The following ZNF709 variants were observed in gnomAD, a reference collection of about 807,000 sequenced individuals.
ZNF709 encodes zinc finger protein 709.
A neutral mutation model predicts 10.6 loss-of-function variants in ZNF709; 15 were observed. That is an observed-to-expected ratio of 1.41 (90% CI 0.95 to 2.18). ZNF709 has a LOEUF of 2.18. ZNF709 is among the 30% of genes most tolerant of loss of function. The probability of loss-of-function intolerance (pLI) is 0.00; values close to 1 mark genes in which losing one functional copy is unlikely to be tolerated. For missense variants in ZNF709, 589 were observed against 774.0 expected (o/e 0.76, Z 2.84); for synonymous variants, 194 against 238.8 (o/e 0.81, Z 1.73).
In ZNF709 at chr19:12,466,675, A is replaced by G. The variant is rs887418806; in HGVS notation, c.130+49T>C. On this transcript the variant is annotated intron_variant, in intron 2 of 3. Transcript: ENST00000397732. ...CCTTGGAACCTTGCTGATGAGCAAG[A>G]AACACTTGTTCTCTAATTGACTAAG... is the stretch of plus-strand genomic sequence containing the variant. 4 of 1,613,278 alleles carry G rather than the reference A, an allele frequency of 2.5e-6. No individual in the cohort carries two copies. The East Asian group carries it at 6.7e-5, about 27-fold the overall frequency.
rs370661958 is a variant in ZNF709 at position 12,463,981 on chromosome 19, C to T, written c.*15G>A. 122 of 1,374,738 alleles carry T rather than the reference C, an allele frequency of 8.9e-5. No individual in the cohort carries two copies. The highest frequency in any genetic ancestry group is 1.2e-4 in the Non-Finnish European group (121 of 1,045,760). The allele number at this position is 1,374,738 out of a possible 1,614,324, so 85.2% of individuals were successfully genotyped here. On this transcript the variant is annotated 3_prime_UTR_variant, in exon 4 of 4. Coordinates refer to ENST00000397732, the MANE Select transcript of ZNF709 (RefSeq NM_152601.4). ...GACAACTGAAAACTTTGCCATATTG[C>T]TTATATACATAGGGTTACTCTCCAC...
chr19:12,476,052 G>A (rs970441401), intron 1 of ZNF709, among the ~76,000 whole-genome samples: 3 of 152,072 alleles, frequency 2.0e-5, no homozygotes, highest in Non-Finnish European at 2.9e-5. Flanking sequence ...AGAAACAGAC[G>A]TTACACCTTA....
chr19:12,478,382 A>G (rs1970693613), intron 1 of ZNF709, among the ~76,000 whole-genome samples: 1 of 152,208 alleles, frequency 6.6e-6, no homozygotes, highest in Admixed American at 6.5e-5. Flanking sequence ...TTGGCTAAAC[A>G]TAGAACCCAG....
chr19:12,467,487 G>A (rs1970584940), intron 1 of ZNF709, among the ~76,000 whole-genome samples: 1 of 152,152 alleles, frequency 6.6e-6, no homozygotes, highest in South Asian at 2.1e-4. Context: ...ATCTCGGCTC[G>A]CTACAACCTC....
At chr19:12,478,449 C>T (rs750894860) in intron 1 of ZNF709, among the ~76,000 whole-genome samples, 1 of 152,166 alleles carries the variant, frequency 6.6e-6, no homozygotes, top group Non-Finnish European at 1.5e-5. Flanking sequence ...AGTAGCTTCC[C>T]AGAAAGCAGC....
Position 12,466,732 on chromosome 19 carries a change from G to A in ZNF709, c.122C>T (p.Ala41Val). Reference sequence around the variant, plus strand: ...AATAATTTCATTCTTACCTATAGAGGCCAAGTTAACAAAGGTTTCTTGCAT... The same window carrying A: ...AATAATTTCATTCTTACCTATAGAGACCAAGTTAACAAAGGTTTCTTGCAT... ...DVMQETFVNLASIGENWEEKN... is the reference protein window; with the variant it reads ...DVMQETFVNLVSIGENWEEKN... Residue 41 changes from alanine (A) to valine (V), a missense_variant, in exon 2 of 4, where the codon GCC (alanine) becomes GTC (valine). Ala to Val is a moderately conservative substitution (Grantham distance 64). This residue lies in a region of ZNF709 where 418 missense variants were observed against 496.3 expected (regional missense o/e 0.84). Coordinates refer to ENST00000397732, the MANE Select transcript of ZNF709 (RefSeq NM_152601.4). The A allele has an allele frequency of 6.2e-7, 1 of 1,613,812 alleles. No individual in the cohort carries two copies. Among genetic ancestry groups the A allele is most frequent in the Non-Finnish European group, 8.5e-7 (1 of 1,179,934 alleles).
Position 12,464,416 on chromosome 19 carries a change from T to C in ZNF709, c.1506A>G (p.Lys502=). The change falls in exon 4 of 4, where the codon AAA becomes AAG. Residue 502 remains lysine (K), a synonymous_variant. Transcript: ENST00000397732. ...RMHERTHTGE[K]PYECKQCGKA... ...TACCACATTGTTTACATTCATAGGG[T>C]TTCTCTCCAGTGTGAGTCCTTTCAT... is the stretch of plus-strand genomic sequence containing the variant. 1 of 1,612,896 alleles carries C rather than the reference T, an allele frequency of 6.2e-7. No individual in the cohort carries two copies. The highest frequency in any genetic ancestry group is 1.1e-5 in the South Asian group (1 of 90,910).
chr19:12,464,383 G>A lies in ZNF709; in HGVS notation c.1539C>T (p.Phe513=), dbSNP rs1970546309. 6.2e-7 allele frequency: 1 copy of A among 1,613,004 alleles called. No homozygotes were observed. Among genetic ancestry groups the A allele is most frequent in the Non-Finnish European group, 8.5e-7 (1 of 1,179,604 alleles). Residue 513 remains phenylalanine, a synonymous_variant, in exon 4 of 4, where the codon TTC becomes TTT. Transcript: ENST00000397732. ...PYECKQCGKA[F]SCSSSFRMHE... is the part of the protein sequence containing the mutation. ...GCATTCGAAAGGAACTGGAACAACT[G>A]AAGGCTTTACCACATTGTTTACATT...
chr19:12,466,957 A>G, intron 1 of ZNF709, 107 bp from the exon 2 acceptor site: 1 of 1,444,396 alleles, frequency 6.9e-7, no homozygotes, highest in Non-Finnish European at 9.2e-7. Flanking sequence ...TTTATCCTGT[A>G]ACTTTGTCAT....
chr19:12,478,080 G>T (rs1035325016), intron 1 of ZNF709, among the ~76,000 whole-genome samples: 1 of 152,188 alleles, frequency 6.6e-6, no homozygotes, highest in African/African-American at 2.4e-5. Flanking sequence ...AGCAACAGCA[G>T]CAACACTTAA....
At position 12,464,273 on chromosome 19, in the gene ZNF709, T is replaced by G; in HGVS notation, c.1649A>C (p.His550Pro). Residue 550 changes from histidine (H) to proline (P), a missense_variant, in exon 4 of 4, where the codon CAT (histidine) becomes CCT (proline). By Grantham distance (77) the His-to-Pro change is moderately conservative. Transcript: ENST00000397732. ...TTTCTCTCCAGTGTGAGTCCTTTCA[T>G]GTATTCGAATGGAACTGGAACAACT... ...AFSCSSSIRI[H>P]ERTHTGEKPY... is the part of the protein sequence containing the mutation. 6.2e-7 allele frequency: 1 copy of G among 1,603,078 alleles called. No individual in the cohort carries two copies. The highest frequency in any genetic ancestry group is 8.5e-7 in the Non-Finnish European group (1 of 1,174,876).
chr19:12,477,619 C>G (rs567800937), intron 1 of ZNF709, among the ~76,000 whole-genome samples: 6 of 152,052 alleles, frequency 3.9e-5, no homozygotes, highest in Non-Finnish European at 8.8e-5. Flanking sequence ...AATTTGAGCC[C>G]TTGTATTGGC....
intron 3 of ZNF709, 79 bp from the exon 4 acceptor site, chr19:12,465,812 C>T: frequency 2.6e-6 from 3 of 1,152,268 alleles, no homozygotes; most frequent in Non-Finnish European, 3.4e-6. Flanking sequence ...GATTATTTCA[C>T]AATCATTAGT....
At chr19:12,472,744 G>C (rs1488179640) in intron 1 of ZNF709, among the ~76,000 whole-genome samples, 1 of 151,952 alleles carries the variant, frequency 6.6e-6, no homozygotes, top group Non-Finnish European at 1.5e-5. Flanking sequence ...TTAGCCAGGT[G>C]TGGTGGCACG....
chr19:12,479,943 G>A (rs959813640), intron 1 of ZNF709, among the ~76,000 whole-genome samples: 1 of 152,056 alleles, frequency 6.6e-6, no homozygotes, highest in East Asian at 1.9e-4. Context: ...TGAGAGGATT[G>A]CTTGAAGCCA....
In ZNF709 at chr19:12,463,835, G is replaced by C. The variant is rs1467644021; in HGVS notation, c.*161C>G. On this transcript the variant is annotated 3_prime_UTR_variant, in exon 4 of 4. Transcript: ENST00000397732. The stretch of plus-strand genomic sequence containing the variant: ...CCAGCTACTCAGGAAGCTGAGGCAG[G>C]AGAATCGCTTGAACCCAGGAGACAG... 1 of 499,154 alleles carries C rather than the reference G, an allele frequency of 2.0e-6. No individual in the cohort carries two copies. The allele number at this position is 499,154 out of a possible 1,614,324, so 30.9% of individuals were successfully genotyped here. A position where few individuals can be genotyped will look rare whatever the true frequency, so the allele number is the denominator to read the frequency against.
chr19:12,477,110 A>G lies in ZNF709; in HGVS notation c.3+7545T>C, dbSNP rs537186593. On this transcript the variant is annotated intron_variant, in intron 1 of 3. Coordinates refer to ENST00000397732, the MANE Select transcript of ZNF709 (RefSeq NM_152601.4). ...GGTGTCAGTAATTTCCATGTTGGAT[A>G]TTGGTATAGGGGCTTAATGGGTGGG... Among the ~76,000 whole-genome samples, 42 of 152,270 alleles carry G rather than the reference A, an allele frequency of 2.8e-4. 1 individual carries two copies. In the South Asian group the frequency reaches 7.7e-3, roughly 28 times the overall value.
At position 12,481,171 on chromosome 19, in the gene ZNF709, A is replaced by T. The variant is rs1013275470; in HGVS notation, c.3+3484T>A. The T allele has an allele frequency of 9.1e-6, 9 of 984,766 alleles. No homozygotes were observed. The African/African-American group carries it at 1.4e-4, about 15-fold the overall frequency. The allele number at this position is 984,766 out of a possible 1,614,324, so 61.0% of individuals were successfully genotyped here. A position where few individuals can be genotyped will look rare whatever the true frequency, so the allele number is the denominator to read the frequency against. Reference sequence around the variant, plus strand: ...TGTACCTGAGAATGTAAATACATTCATCTCTTATCTTGAGGTTCTCTTGCC... The same window carrying T: ...TGTACCTGAGAATGTAAATACATTCTTCTCTTATCTTGAGGTTCTCTTGCC... On this transcript the variant is annotated intron_variant, in intron 1 of 3. Coordinates refer to ENST00000397732, the MANE Select transcript of ZNF709 (RefSeq NM_152601.4).
chr19:12,484,610 C>T, intron 1 of ZNF709, 45 bp downstream of exon 1: 2 of 1,610,790 alleles, frequency 1.2e-6, no homozygotes, highest in South Asian at 1.1e-5. Flanking sequence ...CGGTTTCAAC[C>T]CGCCCCTCTC....
Sources: gnomAD v4.1 joint callset for allele counts (sites outside exome capture counted in the v4.1 genomes callset) on GRCh38, gnomAD v4.1.1 for gene constraint, gnomAD v4.1.1 regional missense constraint, MANE v1.5 for transcripts, NCBI Gene and HGNC (gene_info 2026-07-23, HGNC 2026-07-21) for gene names.